Variants in RTRAF observed in about 807,000 individuals in gnomAD.
RTRAF encodes the protein tRNA-splicing ligase complex subunit RTRAF.
RTRAF carries 14 observed loss-of-function variants against 34.4 expected under a neutral mutation model. The ratio of observed to expected loss-of-function variants is 0.41; its 90% CI spans 0.27 to 0.64. The LOEUF (loss-of-function observed/expected upper bound fraction) is 0.64. RTRAF is among the 30% of genes least tolerant of loss of function. The probability of loss-of-function intolerance (pLI) is 0.34; values close to 1 mark genes in which losing one functional copy is unlikely to be tolerated. For synonymous variants in RTRAF, 96 were observed against 95.3 expected, an observed-to-expected ratio of 1.01 and a Z score of -0.04; for missense variants, 291 against 288.4, an observed-to-expected ratio of 1.01 and a Z score of -0.06.
rs558581242 is a variant in RTRAF, at chr14:51,989,650, G to T, written c.11G>T (p.Arg4Leu). The change falls in exon 1 of 8, where the codon CGC (arginine) becomes CTC (leucine). Residue 4 changes from arginine (R) to leucine (L), a missense_variant. Transcript: ENST00000261700. MFR[R>L]KLTALDYHNP... ...CGAGAAGCGGGGACCATGTTCCGAC[G>T]CAAGTTGACGGCTCTCGACTACCAC... 1.7e-5 allele frequency: 27 copies of T among 1,605,826 alleles called. No individual in the cohort carries two copies. Among genetic ancestry groups the T allele is most frequent in the Non-Finnish European group, 2.2e-5 (26 of 1,176,564 alleles).
rs1890740954 is a variant in RTRAF, at chr14:52,005,565, G to C, written c.*1049G>C. The C allele has an allele frequency of 3.9e-6, 6 of 1,549,094 alleles. No individual in the cohort carries two copies. The highest frequency in any genetic ancestry group is 1.4e-5 in the African/African-American group (1 of 73,058). ...TATTGTAACCAAGTTGCAACAGCAA[G>C]TCTTTGCATTTTGTGTATAAACTAG... On this transcript the variant is annotated 3_prime_UTR_variant, in exon 8 of 8. Transcript: ENST00000261700.
intron 1 of RTRAF, among the ~76,000 whole-genome samples, chr14:51,989,954 C>T (rs780889704): frequency 1.3e-5 from 2 of 152,246 alleles, no homozygotes; most frequent in Non-Finnish European, 2.9e-5. Flanking sequence ...CACGTAACTA[C>T]CTTCTCTGTA....
intron 4 of RTRAF, 132 bp from the exon 5 acceptor site, chr14:51,999,576 G>A (rs2140330018): frequency 1.7e-6 from 1 of 572,608 alleles, no homozygotes; most frequent in East Asian, 2.8e-5. Flanking sequence ...TTTCTCTTGT[G>A]AGTAGCAGTT....
chr14:52,004,416 T>G lies in RTRAF; in HGVS notation c.635T>G (p.Leu212Arg). 1 of 1,613,986 alleles carries G rather than the reference T, an allele frequency of 6.2e-7. No individual in the cohort carries two copies. The highest frequency in any genetic ancestry group is 8.5e-7 in the Non-Finnish European group (1 of 1,179,920). The change falls in exon 8 of 8, where the codon CTC (leucine) becomes CGC (arginine). Residue 212 changes from leucine to arginine, a missense_variant. Coordinates refer to ENST00000261700, the MANE Select transcript of RTRAF (RefSeq NM_016039.3). ...CTGCGATTGCTGCACATAGAGGAGCTCAGAGAGCTACAGACAAAAATCAAC... is the reference window on the plus strand; with the variant it reads ...CTGCGATTGCTGCACATAGAGGAGCGCAGAGAGCTACAGACAAAAATCAAC... Reference protein sequence around the residue: ...QILRLLHIEELRELQTKINEA... With the variant: ...QILRLLHIEERRELQTKINEA...
Position 51,989,605 on chromosome 14 carries a change from C to A in RTRAF, c.-35C>A. 1.9e-6 allele frequency: 3 copies of A among 1,576,710 alleles called. No homozygotes were observed. Among genetic ancestry groups the A allele is most frequent in the Non-Finnish European group, 1.7e-6 (2 of 1,161,864 alleles). ...TCCACCTCGCTTCTTCTCTCCCGGC[C>A]GAGGCCCGGGGGACCAGAGCGAGAA... On this transcript the variant is annotated 5_prime_UTR_variant, in exon 1 of 8. Transcript: ENST00000261700.
Position 52,008,458 on chromosome 14 carries a change from C to T in RTRAF, c.*3942C>T, listed in dbSNP as rs1890879638. ...GCTCGGTGAAGACACACTTGGATTC[C>T]TGACTCACAGAAACTGTGAGACTAA... On this transcript the variant is annotated 3_prime_UTR_variant, in exon 8 of 8. Coordinates refer to ENST00000261700, the MANE Select transcript of RTRAF (RefSeq NM_016039.3). The T allele has an allele frequency of 6.5e-6, 1 of 152,814 alleles. No individual in the cohort carries two copies. The allele number at this position is 152,814 out of a possible 1,614,324, so 9.5% of individuals were successfully genotyped here.
chr14:52,010,622 TATCAC>T lies in RTRAF; in HGVS notation c.*6113_*6117del, dbSNP rs1327832579. 2.8e-6 allele frequency: 1 copy of T among 360,084 alleles called. No individual in the cohort carries two copies. Among genetic ancestry groups the T allele is most frequent in the Admixed American group, 3.8e-5 (1 of 26,194 alleles). 22.3% of individuals were successfully genotyped at this position (360,084 alleles called of 1,614,324 possible). A position where few individuals can be genotyped will look rare whatever the true frequency, so the allele number is the denominator to read the frequency against. On this transcript the variant is annotated 3_prime_UTR_variant, in exon 8 of 8. Coordinates refer to ENST00000261700, the MANE Select transcript of RTRAF (RefSeq NM_016039.3). ...CACAACACTATCTGAATTTTCTACA[TATCAC>T]ATCACAGACTAATATTGTTTATACC...
intron 6 of RTRAF, 39 bp from the exon 7 acceptor site, chr14:52,004,155 A>C (rs1182017139): frequency 6.4e-7 from 1 of 1,552,940 alleles, no homozygotes; most frequent in Non-Finnish European, 8.9e-7. Flanking sequence ...TGCTATTCTT[A>C]ACCATAAATA....
intron 5 of RTRAF, 58 bp downstream of exon 5, chr14:51,999,854 T>A: frequency 8.1e-7 from 1 of 1,227,914 alleles, no homozygotes. Flanking sequence ...AATGTCTTTA[T>A]TTTCTAAATA....
intron 2 of RTRAF, among the ~76,000 whole-genome samples, chr14:51,992,411 AT>A (rs971072628): frequency 6.6e-6 from 1 of 152,082 alleles, no homozygotes; most frequent in Non-Finnish European, 1.5e-5. Context: ...CCGTGTCTCA[AT>A]TTTTTCATCA....
chr14:52,005,996 G>A lies in RTRAF; in HGVS notation c.*1480G>A. 1.6e-6 allele frequency: 1 copy of A among 633,218 alleles called. No homozygotes were observed. Among genetic ancestry groups the A allele is most frequent in the Non-Finnish European group, 2.9e-6 (1 of 349,736 alleles). 39.2% of individuals were successfully genotyped at this position (633,218 alleles called of 1,614,324 possible). A position where few individuals can be genotyped will look rare whatever the true frequency, so the allele number is the denominator to read the frequency against. On this transcript the variant is annotated 3_prime_UTR_variant, in exon 8 of 8. Transcript: ENST00000261700. ...TGGTGCTAAAGCCATACTGAAGTTT[G>A]AAGACCATTGCTCTAAATCCATTGC...
At chr14:51,993,948 A>T in intron 3 of RTRAF, 126 bp downstream of exon 3, 1 of 556,550 alleles carries the variant, frequency 1.8e-6, no homozygotes, top group Non-Finnish European at 3.1e-6. Flanking sequence ...TTCTTATCAC[A>T]AGTTAAAAGC....
chr14:52,004,129 T>G (rs1890661411), intron 6 of RTRAF, 65 bp from the exon 7 acceptor site: 13 of 1,386,776 alleles, frequency 9.4e-6, no homozygotes, highest in African/African-American at 1.4e-5. Context: ...CTTTTCAGTT[T>G]CAGTTGAGGA....
At chr14:51,991,836 G>T (rs1890440255) in intron 2 of RTRAF, among the ~76,000 whole-genome samples, 1 of 152,166 alleles carries the variant, frequency 6.6e-6, no homozygotes, top group African/African-American at 2.4e-5. Flanking sequence ...GGAGGCTGAG[G>T]TGGCAGATCA....
chr14:52,006,541 T>G lies in RTRAF; in HGVS notation c.*2025T>G. On this transcript the variant is annotated 3_prime_UTR_variant, in exon 8 of 8. Coordinates refer to ENST00000261700, the MANE Select transcript of RTRAF (RefSeq NM_016039.3). ...TCCAGAATTTGTGGGGCTCACCTCC[T>G]CCAGTCTGTGTGGTAGAAGTGATCT... 6.2e-7 allele frequency: 1 copy of G among 1,613,620 alleles called. No individual in the cohort carries two copies. The highest frequency in any genetic ancestry group is 1.3e-5 in the African/African-American group (1 of 75,038).
In RTRAF at chr14:52,005,146, A is replaced by G; in HGVS notation, c.*630A>G. The G allele has an allele frequency of 4.9e-6, 1 of 202,692 alleles. No homozygotes were observed. Among genetic ancestry groups the G allele is most frequent in the Non-Finnish European group, 9.8e-6 (1 of 101,588 alleles). 12.6% of individuals were successfully genotyped at this position (202,692 alleles called of 1,614,324 possible). A position where few individuals can be genotyped will look rare whatever the true frequency, so the allele number is the denominator to read the frequency against. On this transcript the variant is annotated 3_prime_UTR_variant, in exon 8 of 8. Transcript: ENST00000261700. ...TGGCCAGAAGGAATCCATGGCAAAA[A>G]TCAGGTTTAGAGTCTTAAACTCTAA... is the stretch of plus-strand genomic sequence containing the variant.
At chr14:51,996,323 C>T (rs183896169) in intron 3 of RTRAF, among the ~76,000 whole-genome samples, 58 of 152,164 alleles carry the variant, frequency 3.8e-4, no homozygotes, top group African/African-American at 1.3e-3. Context: ...TGTCTCTAAT[C>T]GGTAGGAGGC....
intron 3 of RTRAF, among the ~76,000 whole-genome samples, chr14:51,995,571 T>TG (rs1890506031): frequency 6.6e-6 from 1 of 152,120 alleles, no homozygotes; most frequent in Non-Finnish European, 1.5e-5. Context: ...ATGGACATCT[T>TG]GGGGGGTACA....
intron 1 of RTRAF, among the ~76,000 whole-genome samples, chr14:51,990,874 C>T (rs1431978012): frequency 1.3e-5 from 2 of 152,102 alleles, no homozygotes; most frequent in Non-Finnish European, 2.9e-5. Flanking sequence ...GCCCTCCTTC[C>T]CCTTTCTGTC....
Sources: allele counts gnomAD v4.1 joint callset (sites outside exome capture counted in the v4.1 genomes callset), GRCh38; gene constraint gnomAD v4.1.1; transcripts MANE v1.5; gene names NCBI Gene and HGNC (gene_info 2026-07-23, HGNC 2026-07-21).